XRN2: variants seen among roughly 807,000 people sequenced by gnomAD.
The protein encoded by XRN2 is 5'-3' exoribonuclease 2.
XRN2 carries 44 observed loss-of-function variants against 138.5 expected under a neutral mutation model. That is an observed-to-expected ratio of 0.32 (90% CI 0.25 to 0.41). The LOEUF is 0.41. XRN2 is among the 10% of genes least tolerant of loss of function. The pLI is 1.00. For synonymous variants in XRN2, 354 were observed against 369.4 expected (o/e 0.96, Z 0.48); for missense variants, 937 against 1,169.3 (o/e 0.80, Z 2.90).
chr20:21,326,322 A>G lies in XRN2; in HGVS notation c.119A>G (p.Lys40Arg). 1 of 1,613,904 alleles carries G rather than the reference A, an allele frequency of 6.2e-7. No homozygotes were observed. Among genetic ancestry groups the G allele is most frequent in the Non-Finnish European group, 8.5e-7 (1 of 1,179,876 alleles). ...GTAAAGATTCCAGTTGATGCCAGTA[A>G]ACCTAATCCAAATGATGTGGAGTTT... ...NGVKIPVDAS[K>R]PNPNDVEFDN... Residue 40 changes from lysine to arginine, a missense_variant, in exon 2 of 30, where the codon AAA (lysine) becomes AGA (arginine). Transcript: ENST00000377191.
At chr20:21,325,647 A>G (rs2038115273) in intron 1 of XRN2, among the ~76,000 whole-genome samples, 1 of 152,198 alleles carries the variant, frequency 6.6e-6, no homozygotes, top group Admixed American at 6.6e-5. Flanking sequence ...AGGAACTTAC[A>G]AGAGAGTGAG....
chr20:21,350,388 T>C (rs796434043), intron 20 of XRN2, among the ~76,000 whole-genome samples: 2 of 151,644 alleles, frequency 1.3e-5, no homozygotes, highest in South Asian at 4.2e-4. Context: ...TAGCCTGGTG[T>C]GGTGGCGGGC....
At chr20:21,381,355 A>G (rs2038880988) in intron 27 of XRN2, among the ~76,000 whole-genome samples, 1 of 152,172 alleles carries the variant, frequency 6.6e-6, no homozygotes, top group African/African-American at 2.4e-5. Flanking sequence ...TTCATCCTAT[A>G]TCCGTCAGTT....
intron 1 of XRN2, among the ~76,000 whole-genome samples, chr20:21,304,511 T>A (rs1436967256): frequency 6.6e-6 from 1 of 152,224 alleles, no homozygotes; most frequent in Non-Finnish European, 1.5e-5. Flanking sequence ...GAACTTTACT[T>A]GCACGTGGGT....
At chr20:21,386,831 G>C (rs201666156) in intron 28 of XRN2, 37 bp from the exon 29 acceptor site, 3 of 1,594,784 alleles carry the variant, frequency 1.9e-6, no homozygotes, top group South Asian at 1.1e-5. Context: ...TGTATAATAG[G>C]TGTGGCTTCT....
Position 21,310,745 on chromosome 20 carries a change from T to C in XRN2, c.75+7272T>C, listed in dbSNP as rs535277026. On this transcript the variant is annotated intron_variant, in intron 1 of 29. Coordinates refer to ENST00000377191, the MANE Select transcript of XRN2 (RefSeq NM_012255.5). ...TCTGGCTTTTTTTTATTTTTATTTT[T>C]TATTTTTTATTTTTTTTGAGATGGA... Among the ~76,000 whole-genome samples the C allele has an allele frequency of 4.9e-4, 74 of 151,900 alleles. No homozygotes were observed. In the South Asian group the frequency reaches 0.015, roughly 30 times the overall value.
intron 27 of XRN2, among the ~76,000 whole-genome samples, chr20:21,381,605 T>C (rs184742028): frequency 1.3e-5 from 2 of 152,342 alleles, no homozygotes; most frequent in Admixed American, 1.3e-4. Context: ...TCATTCAGTT[T>C]GTATTAATTC....
chr20:21,303,578 C>T, intron 1 of XRN2, 105 bp downstream of exon 1: 1 of 1,396,168 alleles, frequency 7.2e-7, no homozygotes, highest in Non-Finnish European at 9.2e-7. Context: ...CTTGCCGGAG[C>T]TCGCGCCCTG....
At chr20:21,322,967 C>G (rs1568570758) in intron 1 of XRN2, among the ~76,000 whole-genome samples, 1 of 152,168 alleles carries the variant, frequency 6.6e-6, no homozygotes, top group Non-Finnish European at 1.5e-5. Context: ...TAACCTAAGC[C>G]TTCACATTCT....
intron 29 of XRN2, among the ~76,000 whole-genome samples, chr20:21,388,568 C>T (rs1600725255): frequency 6.6e-6 from 1 of 152,068 alleles, no homozygotes; most frequent in South Asian, 2.1e-4. Flanking sequence ...GGCCTTGAGT[C>T]TGCACATGTT....
At position 21,319,157 on chromosome 20, in the gene XRN2, TTTTA is replaced by T. The variant is rs372934687; in HGVS notation, c.76-7118_76-7115del. On this transcript the variant is annotated intron_variant, in intron 1 of 29. Coordinates refer to ENST00000377191, the MANE Select transcript of XRN2 (RefSeq NM_012255.5). The stretch of plus-strand genomic sequence containing the variant: ...ACCCTCTTTACCTCCAGTAACATTT[TTTTA>T]TTTGTTTTAGTCTGTTTTATCTGAT... Among the ~76,000 whole-genome samples the T allele has an allele frequency of 5.8e-4, 89 of 152,268 alleles. 1 individual carries two copies. The highest frequency in any genetic ancestry group is 2.0e-3 in the African/African-American group (82 of 41,570).
In XRN2 at chr20:21,316,041, A is replaced by G. The variant is rs528323694; in HGVS notation, c.76-10238A>G. On this transcript the variant is annotated intron_variant, in intron 1 of 29. Coordinates refer to ENST00000377191, the MANE Select transcript of XRN2 (RefSeq NM_012255.5). ...GCTGAGGTGGGCAGATCACTTGAGGACAGGAGTTTGAGACCAGCCTGGCCA... is the reference window on the plus strand; with the variant it reads ...GCTGAGGTGGGCAGATCACTTGAGGGCAGGAGTTTGAGACCAGCCTGGCCA... 1.2e-4 allele frequency among the ~76,000 whole-genome samples: 18 copies of G among 152,200 alleles called. No homozygotes were observed. In the South Asian group the frequency reaches 3.5e-3, roughly 30 times the overall value.
intron 1 of XRN2, among the ~76,000 whole-genome samples, chr20:21,311,819 C>G (rs527790391): frequency 2.0e-5 from 3 of 152,128 alleles, no homozygotes; most frequent in Admixed American, 2.0e-4. Context: ...GAAACCTCGT[C>G]TCTACTAAAA....
chr20:21,337,218 G>A (rs1173097284), intron 13 of XRN2, among the ~76,000 whole-genome samples: 2 of 152,050 alleles, frequency 1.3e-5, no homozygotes, highest in African/African-American at 4.8e-5. Flanking sequence ...AAAGGTCAAA[G>A]CAGTGAGCCC....
chr20:21,383,038 C>T (rs772570172), intron 28 of XRN2, among the ~76,000 whole-genome samples: 1 of 152,168 alleles, frequency 6.6e-6, no homozygotes, highest in African/African-American at 2.4e-5. Context: ...AATGCAGCTT[C>T]CCTTTTAAGA....
intron 22 of XRN2, 133 bp downstream of exon 22, chr20:21,356,310 A>G (rs1426583421): frequency 2.9e-6 from 2 of 696,082 alleles, no homozygotes; most frequent in Non-Finnish European, 4.6e-6. Flanking sequence ...CCAGTGTTGT[A>G]TAACCATTAG....
At position 21,356,660 on chromosome 20, in the gene XRN2, A is replaced by G. The variant is rs1334341779; in HGVS notation, c.2193A>G (p.Pro731=). The G allele has an allele frequency of 1.2e-6, 2 of 1,613,072 alleles. No individual in the cohort carries two copies. Among genetic ancestry groups the G allele is most frequent in the Admixed American group, 3.3e-5 (2 of 59,940 alleles). Residue 731 remains proline (P), a synonymous_variant, in exon 23 of 30, where the codon CCA becomes CCG. Coordinates refer to ENST00000377191, the MANE Select transcript of XRN2 (RefSeq NM_012255.5). ...CTTTGGATGAAGAAGCCATTCTTCC[A>G]GATCAGTAAGTTTCATTTTGTATAT... ...KFSLDEEAIL[P]DQIVCSPVPM... is the part of the protein sequence containing the mutation.
At chr20:21,315,280 GAGTT>G (rs2037943117) in intron 1 of XRN2, among the ~76,000 whole-genome samples, 1 of 152,182 alleles carries the variant, frequency 6.6e-6, no homozygotes, top group Non-Finnish European at 1.5e-5. Context: ...AAAAGGAACT[GAGTT>G]AGTCCAAGGC....
chr20:21,343,122 G>A (rs2038392770), intron 15 of XRN2, among the ~76,000 whole-genome samples: 1 of 151,912 alleles, frequency 6.6e-6, no homozygotes, highest in African/African-American at 2.4e-5. Flanking sequence ...GGCCTTCTGT[G>A]CTCTCAGTTT....
Sources: allele counts gnomAD v4.1 joint callset (sites outside exome capture counted in the v4.1 genomes callset), GRCh38; gene constraint gnomAD v4.1.1; transcripts MANE v1.5; gene names NCBI Gene and HGNC (gene_info 2026-07-23, HGNC 2026-07-21).